Variants in ZMAT1 observed in about 807,000 individuals in gnomAD.
ZMAT1 encodes zinc finger matrin-type protein 1.
ZMAT1 carries 11 observed loss-of-function variants against 18.5 expected under a neutral mutation model. That is an observed-to-expected ratio of 0.59 (90% CI 0.37 to 0.98). The LOEUF (loss-of-function observed/expected upper bound fraction) is 0.98, where lower values mean the gene tolerates loss of function less well. Among genes scored for constraint, ZMAT1 ranks in the 50% least tolerant of loss-of-function variants. The pLI is 0.01. For synonymous variants in ZMAT1, 211 were observed against 176.4 expected (o/e 1.20, Z -1.55); for missense variants, 525 against 496.2 (o/e 1.06, Z -0.55).
chrX:101,897,911 C>T lies in ZMAT1; in HGVS notation c.633G>A (p.Glu211=). 3 of 1,211,421 alleles carry T rather than the reference C, an allele frequency of 2.5e-6. No homozygotes were observed. The highest frequency in any genetic ancestry group is 3.4e-6 in the Non-Finnish European group (3 of 895,294). ...VHAKKLKQLM[E]EHDQASPSGF... ...CTGATGGAGATGCCTGATCATGTTC[C>T]TCCATTAATTGCTTCAGTTTTTTAG... Residue 211 remains glutamate (E), a synonymous_variant, in exon 4 of 6, where the codon GAG becomes GAA. Transcript: ENST00000651725.
intron 5 of ZMAT1, among the ~76,000 whole-genome samples, chrX:101,885,752 T>C (rs776135620): frequency 2.8e-4 from 31 of 111,277 alleles, no homozygotes; most frequent in Non-Finnish European, 3.8e-4. Context: ...GGTGTGATCA[T>C]GGTTCACTGC....
chrX:101,919,024 CTT>C (rs899299446), intron 1 of ZMAT1, among the ~76,000 whole-genome samples: 1 of 109,967 alleles, frequency 9.1e-6, no homozygotes, highest in Non-Finnish European at 1.9e-5. Context: ...CTTGGTCTCT[CTT>C]TTTTTTTAAT....
In ZMAT1 at chrX:101,884,652, C is replaced by G; in HGVS notation, c.946G>C (p.Val316Leu). ...SLETRRYREV[V>L]DSRPRHRMFE... ...ATTCTATGTCTGGGTCTGGAATCGA[C>G]CACTTCTCTGTATCTACGGGTTTCC... The change falls in exon 6 of 6, where the codon GTC (valine) becomes CTC (leucine). Residue 316 changes from valine (V) to leucine (L), a missense_variant. Physicochemically the swap from Val to Leu is conservative, Grantham distance 32. Transcript: ENST00000651725. The G allele has an allele frequency of 8.3e-7, 1 of 1,210,887 alleles. No individual in the cohort carries two copies. Among genetic ancestry groups the G allele is most frequent in the Non-Finnish European group, 1.1e-6 (1 of 895,125 alleles).
Position 101,884,131 on chromosome X carries a change from A to G in ZMAT1, c.1467T>C (p.Asp489=). The G allele has an allele frequency of 8.3e-7, 1 of 1,210,171 alleles. No homozygotes were observed. The highest frequency in any genetic ancestry group is 1.8e-5 in the South Asian group (1 of 56,985). Residue 489 remains aspartate, a synonymous_variant, in exon 6 of 6, where the codon GAT becomes GAC. Transcript: ENST00000651725. ...VETHRNREMV[D]VRPRHRMLEQ... ...CCAACATTCTATGTCTGGGTCTGAC[A>G]TCAACCATTTCTCTGTTCCTGTGTG...
intron 1 of ZMAT1, chrX:101,918,445 TACACACACACACACACACACACAC>T (rs61351078): frequency 2.4e-5 from 2 of 83,209 alleles, no homozygotes; most frequent in Middle Eastern, 6.5e-3. Context: ...TCTACTAAAA[TACACACACACACACACACACACAC>T]ACACACACAC....
chrX:101,914,774 G>A (rs1355816389), intron 1 of ZMAT1, among the ~76,000 whole-genome samples: 1 of 110,942 alleles, frequency 9.0e-6, no homozygotes, highest in Non-Finnish European at 1.9e-5. Context: ...AAAGAACTAC[G>A]ACCAATCCTA....
chrX:101,921,685 T>A (rs886358562), intron 1 of ZMAT1, among the ~76,000 whole-genome samples: 2 of 112,010 alleles, frequency 1.8e-5, no homozygotes, highest in African/African-American at 6.5e-5. Context: ...AATGAAAAAA[T>A]ATATTTTAGA....
chrX:101,896,799 A>G (rs929141944), intron 4 of ZMAT1, among the ~76,000 whole-genome samples: 3 of 111,615 alleles, frequency 2.7e-5, no homozygotes, highest in Non-Finnish European at 5.7e-5. Flanking sequence ...ATACTCTGCC[A>G]TCTTGGGCAA....
chrX:101,899,328 G>A (rs1928057535), intron 2 of ZMAT1, among the ~76,000 whole-genome samples: 1 of 111,313 alleles, frequency 9.0e-6, no homozygotes, highest in Non-Finnish European at 1.9e-5. Flanking sequence ...TTTTCCATAA[G>A]TTATTAGGGT....
intron 1 of ZMAT1, chrX:101,915,702 A>C (rs1335107595): frequency 8.9e-6 from 1 of 112,203 alleles, no homozygotes; most frequent in East Asian, 2.8e-4. Context: ...TTTTAATCTC[A>C]TGCCAGTCAT....
chrX:101,921,795 C>T (rs2147673314), intron 1 of ZMAT1, among the ~76,000 whole-genome samples: 1 of 111,234 alleles, frequency 9.0e-6, no homozygotes, highest in African/African-American at 3.3e-5. Flanking sequence ...TTTAAGTGTA[C>T]AGCTCAGTAG....
chrX:101,918,132 C>T lies in ZMAT1; in HGVS notation c.292+13585G>A, dbSNP rs1213481770. Among the ~76,000 whole-genome samples, 4 of 111,229 alleles carry T rather than the reference C, an allele frequency of 3.6e-5. No homozygotes were observed. The East Asian group carries it at 1.1e-3, about 31-fold the overall frequency. On this transcript the variant is annotated intron_variant, in intron 1 of 5. Coordinates refer to ENST00000651725, the MANE Select transcript of ZMAT1 (RefSeq NM_001394560.1). Reference sequence around the variant, plus strand: ...TAGTATTTGATAGCACAACAAGGTGCTTATTGTCAGTAATAACCATATATT... The same window carrying T: ...TAGTATTTGATAGCACAACAAGGTGTTTATTGTCAGTAATAACCATATATT...
At chrX:101,886,342 T>G (rs1926945839) in intron 5 of ZMAT1, among the ~76,000 whole-genome samples, 1 of 111,518 alleles carries the variant, frequency 9.0e-6, no homozygotes, top group African/African-American at 3.3e-5. Flanking sequence ...TTCTCTGCAT[T>G]TGTATGGTTA....
chrX:101,922,174 T>C (rs1458296704), intron 1 of ZMAT1, among the ~76,000 whole-genome samples: 1 of 111,193 alleles, frequency 9.0e-6, no homozygotes, highest in Non-Finnish European at 1.9e-5. Context: ...AAAATGGGTG[T>C]TGTTTTCCAG....
chrX:101,886,867 C>CAA, intron 4 of ZMAT1, 136 bp from the exon 5 acceptor site: 1 of 460,776 alleles, frequency 2.2e-6, no homozygotes, highest in South Asian at 4.0e-5. Flanking sequence ...CCAGAGAGGT[C>CAA]AAATGACTTG....
At chrX:101,892,627 G>A (rs1927496684) in intron 4 of ZMAT1, 1 of 283,769 alleles carries the variant, frequency 3.5e-6, no homozygotes, top group South Asian at 1.8e-4. Context: ...TGAAGGTGAG[G>A]CATCTGAGTG....
intron 1 of ZMAT1, among the ~76,000 whole-genome samples, chrX:101,923,745 G>T (rs983808115): frequency 9.0e-6 from 1 of 111,636 alleles, no homozygotes; most frequent in Non-Finnish European, 1.9e-5. Flanking sequence ...TTAGTATTTT[G>T]GTTATGATTT....
rs749225962 is a variant in ZMAT1 at position 101,883,906 on chromosome X, GTTA to G, written c.1689_1691del (p.Asn564del). On this transcript the variant is annotated inframe_deletion, in exon 6 of 6. Transcript: ENST00000651725. Reference sequence around the variant, plus strand: ...CAGATTCTACACTGTATGAGCCAGAGTTATTTTCTTGCTGATTAAGGCTCAAGG... The same window carrying G: ...CAGATTCTACACTGTATGAGCCAGAGTTTTCTTGCTGATTAAGGCTCAAGG... 2.5e-6 allele frequency: 3 copies of G among 1,210,325 alleles called. No homozygotes were observed. Among genetic ancestry groups the G allele is most frequent in the East Asian group, 5.9e-5 (2 of 33,775 alleles).
At chrX:101,913,855 T>G (rs1049996500) in intron 1 of ZMAT1, among the ~76,000 whole-genome samples, 6 of 111,779 alleles carry the variant, frequency 5.4e-5, no homozygotes, top group African/African-American at 1.6e-4. Flanking sequence ...TAACAGATAT[T>G]TACAGAACAT....
Sources: allele counts gnomAD v4.1 joint callset (sites outside exome capture counted in the v4.1 genomes callset), GRCh38; gene constraint gnomAD v4.1.1; transcripts MANE v1.5; gene names NCBI Gene and HGNC (gene_info 2026-07-23, HGNC 2026-07-21).